DNAJB12: variants seen among roughly 807,000 people sequenced by gnomAD.
DNAJB12 encodes DnaJ heat shock protein family (Hsp40) member B12.
Under a neutral mutation model 40.6 loss-of-function variants are expected in DNAJB12, and 14 were observed. That is an observed-to-expected ratio of 0.34 (90% CI 0.23 to 0.54). The LOEUF (loss-of-function observed/expected upper bound fraction) is 0.54, where lower values mean the gene tolerates loss of function less well. DNAJB12 is among the 20% of genes least tolerant of loss of function. The pLI is 0.92. For synonymous variants in DNAJB12, 181 were observed against 199.5 expected (o/e 0.91, Z 0.78); for missense variants, 444 against 501.7 (o/e 0.89, Z 1.10).
At position 72,341,160 on chromosome 10, in the gene DNAJB12, T is replaced by C. The variant is rs1436214662; in HGVS notation, c.468A>G (p.Thr156=). ...GATEAFKAIG[T]AYAVLSNPEK... ...CCGGGTTGCTGAGTACCGCATATGC[T>C]GTGCCAATGGCTGGAGAGGAGGAGG... Residue 156 remains threonine (T), a synonymous_variant, in exon 4 of 9, where the codon ACA becomes ACG. Coordinates refer to ENST00000444643, the MANE Select transcript of DNAJB12 (RefSeq NM_017626.7). The C allele has an allele frequency of 6.2e-7, 1 of 1,605,006 alleles. No homozygotes were observed. Among genetic ancestry groups the C allele is most frequent in the Non-Finnish European group, 8.5e-7 (1 of 1,172,644 alleles).
intron 1 of DNAJB12, chr10:72,354,492 G>C: frequency 2.3e-6 from 1 of 433,224 alleles, no homozygotes; most frequent in Middle Eastern, 6.2e-4. Context: ...CCGGCTGCCA[G>C]CGCGTTTCAT....
chr10:72,342,454 G>T (rs1259038997), intron 3 of DNAJB12, among the ~76,000 whole-genome samples: 1 of 152,234 alleles, frequency 6.6e-6, no homozygotes, highest in Admixed American at 6.5e-5. Context: ...CAGGCTGCAG[G>T]CAGAGGCTGG....
At chr10:72,354,722 A>G (rs374612129) in intron 1 of DNAJB12, 43 bp downstream of exon 1, 2 of 1,381,272 alleles carry the variant, frequency 1.4e-6, no homozygotes, top group Admixed American at 1.8e-5. Flanking sequence ...TGTTCCCCCC[A>G]TCAGTTCTAA....
chr10:72,347,847 A>G (rs1182572291), intron 1 of DNAJB12, among the ~76,000 whole-genome samples: 2 of 151,612 alleles, frequency 1.3e-5, no homozygotes, highest in Non-Finnish European at 2.9e-5. Context: ...TGGGAGGCGG[A>G]GGTTGCAATG....
intron 6 of DNAJB12, 116 bp downstream of exon 6, chr10:72,338,086 G>T: frequency 2.4e-6 from 2 of 839,050 alleles, no homozygotes; most frequent in Non-Finnish European, 3.9e-6. Flanking sequence ...TCGAAGCCAG[G>T]TTTCTGCATT....
chr10:72,339,572 A>G (rs1861573817), intron 5 of DNAJB12, among the ~76,000 whole-genome samples: 1 of 152,150 alleles, frequency 6.6e-6, no homozygotes. Context: ...AAATATTGTC[A>G]GAGCAAAAGG....
chr10:72,345,569 CAAAAAAA>C (rs34465078), intron 1 of DNAJB12, among the ~76,000 whole-genome samples: 7 of 92,296 alleles, frequency 7.6e-5, no homozygotes, highest in South Asian at 7.8e-4. Flanking sequence ...GACCCTGTCT[CAAAAAAA>C]AAAAAAAAAA....
At chr10:72,353,087 T>G (rs1321996561) in intron 1 of DNAJB12, among the ~76,000 whole-genome samples, 1 of 152,210 alleles carries the variant, frequency 6.6e-6, no homozygotes, top group Non-Finnish European at 1.5e-5. Flanking sequence ...ATGACAAATA[T>G]GCATGCAGGT....
chr10:72,348,669 G>A (rs1861860115), intron 1 of DNAJB12, among the ~76,000 whole-genome samples: 1 of 152,248 alleles, frequency 6.6e-6, no homozygotes, highest in African/African-American at 2.4e-5. Context: ...TGATCTTGCT[G>A]AGTCTTCAAC....
Position 72,336,787 on chromosome 10 carries a change from A to C in DNAJB12, c.834-91T>G, listed in dbSNP as rs1333645551. The C allele has an allele frequency of 2.8e-6, 3 of 1,060,040 alleles. No homozygotes were observed. In the Admixed American group the frequency reaches 6.6e-5, roughly 23 times the overall value. The allele number at this position is 1,060,040 out of a possible 1,614,324, so 65.7% of individuals were successfully genotyped here. On this transcript the variant is annotated intron_variant, in intron 6 of 8. Transcript: ENST00000444643. ...GGCCCCAAGACAGGAGGTGCCGCACAGACCAGAGGAGTAGTTGGTTCCCTC... is the reference window on the plus strand; with the variant it reads ...GGCCCCAAGACAGGAGGTGCCGCACCGACCAGAGGAGTAGTTGGTTCCCTC...
chr10:72,344,927 C>T (rs371807976), intron 2 of DNAJB12, 23 bp downstream of exon 2: 39 of 1,613,836 alleles, frequency 2.4e-5, no homozygotes, highest in Non-Finnish European at 2.9e-5. Context: ...TCCCCAGGCT[C>T]CAGCCCCTGC....
chr10:72,343,234 G>A (rs1441942954), intron 3 of DNAJB12, 132 bp downstream of exon 3: 4 of 1,173,394 alleles, frequency 3.4e-6, no homozygotes, highest in Admixed American at 2.4e-5. Flanking sequence ...CAGCTCCCAA[G>A]CCTGGGCAAC....
At chr10:72,347,769 CG>C (rs1168358756) in intron 1 of DNAJB12, among the ~76,000 whole-genome samples, 3 of 151,500 alleles carry the variant, frequency 2.0e-5, no homozygotes, top group Non-Finnish European at 4.4e-5. Flanking sequence ...AAAAATTAGC[CG>C]AACATGGTGG....
chr10:72,335,798 G>A lies in DNAJB12; in HGVS notation c.*12C>T. 6.2e-7 allele frequency: 1 copy of A among 1,613,248 alleles called. No individual in the cohort carries two copies. Among genetic ancestry groups the A allele is most frequent in the Non-Finnish European group, 8.5e-7 (1 of 1,179,520 alleles). ...CTCATACTTGGACCTCGGTGGTGTG[G>A]CTGGCCCAGGACTATCCATGCAGGG... On this transcript the variant is annotated 3_prime_UTR_variant, in exon 8 of 9. Coordinates refer to ENST00000444643, the MANE Select transcript of DNAJB12 (RefSeq NM_017626.7). This position sits in a 1 kb window ranked among gnomAD's most constrained non-coding sequence, Gnocchi z 4.4.
At chr10:72,349,356 G>A (rs147888878) in intron 1 of DNAJB12, among the ~76,000 whole-genome samples, 1 of 152,160 alleles carries the variant, frequency 6.6e-6, no homozygotes, top group African/African-American at 2.4e-5. Flanking sequence ...CTGGGTAGCG[G>A]GGGAGCTCCA....
chr10:72,350,105 A>T (rs1387391236), intron 1 of DNAJB12, among the ~76,000 whole-genome samples: 1 of 152,080 alleles, frequency 6.6e-6, no homozygotes, highest in Non-Finnish European at 1.5e-5. Flanking sequence ...CTGAACCCAG[A>T]CTAGAGTTAG....
At chr10:72,336,730 G>A (rs371057248) in intron 6 of DNAJB12, 34 bp from the exon 7 acceptor site, 168 of 1,602,306 alleles carry the variant, frequency 1.0e-4, no homozygotes, top group Non-Finnish European at 1.3e-4. Context: ...AGTGGGTGCG[G>A]GTCCCCATGC....
intron 7 of DNAJB12, 66 bp downstream of exon 7, chr10:72,336,458 C>T (rs958773240): frequency 9.1e-6 from 14 of 1,544,192 alleles, no homozygotes; most frequent in Non-Finnish European, 1.2e-5. Flanking sequence ...TCTCTCCTTC[C>T]CCTGCTTTCC....
At chr10:72,354,658 C>G in intron 1 of DNAJB12, 107 bp downstream of exon 1, 1 of 1,097,916 alleles carries the variant, frequency 9.1e-7, no homozygotes, top group South Asian at 1.5e-5. Flanking sequence ...GCAGGCGTAG[C>G]CGCGCCTCGC....
Sources: gnomAD v4.1 joint callset for allele counts (sites outside exome capture counted in the v4.1 genomes callset) on GRCh38, gnomAD v4.1.1 for gene constraint, Gnocchi (gnomAD v3.1) non-coding constraint, MANE v1.5 for transcripts, NCBI Gene and HGNC (gene_info 2026-07-23, HGNC 2026-07-21) for gene names.